Variants in P2RY11 observed in about 807,000 individuals in gnomAD.
P2RY11 encodes purinergic receptor P2Y11.
A neutral mutation model predicts 2.4 loss-of-function variants in P2RY11; 3 were observed. The observed-to-expected ratio is 1.22, with a 90% CI of 0.56 to 3.17. The LOEUF is 3.17. P2RY11 is among the 30% of genes most tolerant of loss of function. The probability of loss-of-function intolerance (pLI) is 0.03; values close to 1 mark genes in which losing one functional copy is unlikely to be tolerated. For missense variants in P2RY11, 670 were observed against 528.2 expected, an observed-to-expected ratio of 1.27 and a Z score of -2.63; for synonymous variants, 307 against 237.3, an observed-to-expected ratio of 1.29 and a Z score of -2.70.
At position 10,115,169 on chromosome 19, in the gene P2RY11, G is replaced by C. The variant is rs1035397122; in HGVS notation, c.*431G>C. ...GGTGGCAGGTATAAGACTTCTGGGG[G>C]CACCCCAAGACCCCAGACACCCAAG... is the stretch of plus-strand genomic sequence containing the variant. On this transcript the variant is annotated 3_prime_UTR_variant, in exon 2 of 2. Coordinates refer to ENST00000321826, the MANE Select transcript of P2RY11 (RefSeq NM_002566.5). 13 of 1,611,254 alleles carry C rather than the reference G, an allele frequency of 8.1e-6. No homozygotes were observed. The highest frequency in any genetic ancestry group is 9.3e-6 in the Non-Finnish European group (11 of 1,178,852).
At chr19:10,112,861 G>A (rs564374644) in intron 1 of P2RY11, among the ~76,000 whole-genome samples, 3 of 152,230 alleles carry the variant, frequency 2.0e-5, no homozygotes, top group African/African-American at 7.2e-5. Context: ...AGAATCACTT[G>A]AACCCGGGAG....
Position 10,114,941 on chromosome 19 carries a change from AGACCACGCCCAGAGGAGGG to A in P2RY11, c.*206_*224del. On this transcript the variant is annotated 3_prime_UTR_variant, in exon 2 of 2. Coordinates refer to ENST00000321826, the MANE Select transcript of P2RY11 (RefSeq NM_002566.5). ...AGGGCTCCCTGCAGGGTCAGGGACC[AGACCACGCCCAGAGGAGGG>A]GAGGCACTGGCCCCCGCCACAGGAC... The A allele has an allele frequency of 1.4e-6, 2 of 1,391,626 alleles. No homozygotes were observed. The highest frequency in any genetic ancestry group is 2.5e-5 in the South Asian group (2 of 79,284). The allele number at this position is 1,391,626 out of a possible 1,614,324, so 86.2% of individuals were successfully genotyped here.
chr19:10,112,194 C>T, intron 1 of P2RY11: 1 of 178,850 alleles, frequency 5.6e-6, no homozygotes, highest in Admixed American at 5.8e-5. Flanking sequence ...AGGGGGATCA[C>T]TTGACCCCAG....
In P2RY11 at chr19:10,114,682, A is replaced by G. The variant is rs764865736; in HGVS notation, c.1069A>G (p.Asn357Asp). The G allele has an allele frequency of 4.3e-6, 7 of 1,613,466 alleles. No individual in the cohort carries two copies. The African/African-American group carries it at 6.7e-5, about 15-fold the overall frequency. Residue 357 changes from asparagine to aspartate, a missense_variant, in exon 2 of 2, where the codon AAT becomes GAT. Coordinates refer to ENST00000321826, the MANE Select transcript of P2RY11 (RefSeq NM_002566.5). Reference sequence around the variant, plus strand: ...GAGCACTGGCCAAGCCCTGCCCCTCAATGCCACAGCCGCCCCTAAACCGTC... The same window carrying G: ...GAGCACTGGCCAAGCCCTGCCCCTCGATGCCACAGCCGCCCCTAAACCGTC... ...AKSTGQALPLNATAAPKPSEP... is the reference protein window; with the variant it reads ...AKSTGQALPLDATAAPKPSEP...
Position 10,113,897 on chromosome 19 carries a change from G to T in P2RY11, c.284G>T (p.Trp95Leu). 1 of 1,608,128 alleles carries T rather than the reference G, an allele frequency of 6.2e-7. No individual in the cohort carries two copies. ...LAAYLYPPKH[W>L]RYGEAACRLE... ...GCCTACCTCTATCCCCCCAAGCACTGGCGCTATGGGGAGGCCGCGTGCCGC... is the reference window on the plus strand; with the variant it reads ...GCCTACCTCTATCCCCCCAAGCACTTGCGCTATGGGGAGGCCGCGTGCCGC... Residue 95 changes from tryptophan (W) to leucine (L), a missense_variant, in exon 2 of 2, where the codon TGG becomes TTG. Physicochemically the swap from Trp to Leu is moderately conservative, Grantham distance 61. Transcript: ENST00000321826.
rs1271242644 is a variant in P2RY11, at chr19:10,115,003, A to C, written c.*265A>C. ...CACAGGACTGGAGACGCAAGAACAAAAAGAACCAAGTAGAGAGAGTGGAGC... is the reference window on the plus strand; with the variant it reads ...CACAGGACTGGAGACGCAAGAACAACAAGAACCAAGTAGAGAGAGTGGAGC... On this transcript the variant is annotated 3_prime_UTR_variant, in exon 2 of 2. Coordinates refer to ENST00000321826, the MANE Select transcript of P2RY11 (RefSeq NM_002566.5). 1.3e-6 allele frequency: 2 copies of C among 1,546,198 alleles called. No individual in the cohort carries two copies. The highest frequency in any genetic ancestry group is 1.4e-5 in the African/African-American group (1 of 73,866).
rs766198417 is a variant in P2RY11 at position 10,113,884 on chromosome 19, C to T, written c.271C>T (p.Pro91Ser). ...TLPPLAAYLY[P>S]PKHWRYGEAA... ...GCCCCCGCTGGCCGCCTACCTCTAT[C>T]CCCCCAAGCACTGGCGCTATGGGGA... The change falls in exon 2 of 2, where the codon CCC (proline) becomes TCC (serine). Residue 91 changes from proline to serine, a missense_variant. Physicochemically the swap from Pro to Ser is moderately conservative, Grantham distance 74. Coordinates refer to ENST00000321826, the MANE Select transcript of P2RY11 (RefSeq NM_002566.5). The T allele has an allele frequency of 1.4e-5, 23 of 1,608,204 alleles. No homozygotes were observed. Among genetic ancestry groups the T allele is most frequent in the Middle Eastern group, 1.6e-4 (1 of 6,082 alleles).
At chr19:10,113,182 G>A (rs75745507) in intron 1 of P2RY11, among the ~76,000 whole-genome samples, 1 of 152,196 alleles carries the variant, frequency 6.6e-6, no homozygotes, top group Non-Finnish European at 1.5e-5. Context: ...CAGCGCTCGC[G>A]GGTGCTCTCT....
In P2RY11 at chr19:10,115,069, T is replaced by G. The variant is rs2089215206; in HGVS notation, c.*331T>G. The G allele has an allele frequency of 6.2e-7, 1 of 1,613,472 alleles. No homozygotes were observed. Among genetic ancestry groups the G allele is most frequent in the Non-Finnish European group, 8.5e-7 (1 of 1,179,854 alleles). On this transcript the variant is annotated 3_prime_UTR_variant, in exon 2 of 2. Coordinates refer to ENST00000321826, the MANE Select transcript of P2RY11 (RefSeq NM_002566.5). ...GGAGCCCGCGCTCTCGGAGGCTGTC[T>G]TCTGTCGCCAAGGGTCCCGGACCGA...
At position 10,115,108 on chromosome 19, in the gene P2RY11, G is replaced by C. The variant is rs768710180; in HGVS notation, c.*370G>C. The C allele has an allele frequency of 6.2e-7, 1 of 1,614,066 alleles. No individual in the cohort carries two copies. Among genetic ancestry groups the C allele is most frequent in the Non-Finnish European group, 8.5e-7 (1 of 1,180,010 alleles). On this transcript the variant is annotated 3_prime_UTR_variant, in exon 2 of 2. Coordinates refer to ENST00000321826, the MANE Select transcript of P2RY11 (RefSeq NM_002566.5). ...GTCCCGGACCGAGTACACAGTGGCA[G>C]CTGGCTTAGTTGGTGGACGGCCTGG...
chr19:10,114,952 AGAG>A lies in P2RY11; in HGVS notation c.*219_*221del. ...CAGGGTCAGGGACCAGACCACGCCC[AGAG>A]GAGGGGAGGCACTGGCCCCCGCCAC... On this transcript the variant is annotated 3_prime_UTR_variant, in exon 2 of 2. Coordinates refer to ENST00000321826, the MANE Select transcript of P2RY11 (RefSeq NM_002566.5). 6 of 1,399,676 alleles carry A rather than the reference AGAG, an allele frequency of 4.3e-6. No homozygotes were observed. Among genetic ancestry groups the A allele is most frequent in the African/African-American group, 1.4e-5 (1 of 70,622 alleles). The allele number at this position is 1,399,676 out of a possible 1,614,324, so 86.7% of individuals were successfully genotyped here. A position where few individuals can be genotyped will look rare whatever the true frequency, so the allele number is the denominator to read the frequency against.
In P2RY11 at chr19:10,114,895, C is replaced by T; in HGVS notation, c.*157C>T. ...AGCCCAGGCAGGAGCAGTCGCCTTT[C>T]CCACCCACAGCGCTGGCCACAGGGC... is the stretch of plus-strand genomic sequence containing the variant. On this transcript the variant is annotated 3_prime_UTR_variant, in exon 2 of 2. Coordinates refer to ENST00000321826, the MANE Select transcript of P2RY11 (RefSeq NM_002566.5). The T allele has an allele frequency of 8.5e-6, 12 of 1,408,706 alleles. No homozygotes were observed. The highest frequency in any genetic ancestry group is 3.8e-4 in the Middle Eastern group (2 of 5,214). 87.3% of individuals were successfully genotyped at this position (1,408,706 alleles called of 1,614,324 possible).
In P2RY11 at chr19:10,114,114, C is replaced by A; in HGVS notation, c.501C>A (p.Phe167Leu). 2 of 1,601,072 alleles carry A rather than the reference C, an allele frequency of 1.2e-6. No homozygotes were observed. The highest frequency in any genetic ancestry group is 1.7e-6 in the Non-Finnish European group (2 of 1,179,654). The change falls in exon 2 of 2, where the codon TTC (phenylalanine) becomes TTA (leucine). Residue 167 changes from phenylalanine (F) to leucine (L), a missense_variant. Physicochemically the swap from Phe to Leu is conservative, Grantham distance 22 (BLOSUM62 0). Transcript: ENST00000321826. The part of the protein sequence containing the change: ...AALLAMPTLS[F>L]SHLKRPQQGA... ...TGCTGGCCATGCCCACACTCAGCTT[C>A]TCCCACCTGAAGAGGCCGCAGCAGG... is the stretch of plus-strand genomic sequence containing the variant.
In P2RY11 at chr19:10,113,535, G is replaced by T. The variant is rs74974916; in HGVS notation, c.20-98G>T. On this transcript the variant is annotated intron_variant, in intron 1 of 1. Coordinates refer to ENST00000321826, the MANE Select transcript of P2RY11 (RefSeq NM_002566.5). ...CCTCCAGGGAGGGGAAAGAACTCGT[G>T]TCCAGGGATCCACGCCATGGCAGAC... 4,690 of 1,507,838 alleles carry T rather than the reference G, an allele frequency of 3.1e-3. 100 individuals are homozygous for T. The East Asian group carries it at 0.057, about 18-fold the overall frequency. The allele number at this position is 1,507,838 out of a possible 1,614,324, so 93.4% of individuals were successfully genotyped here. A position where few individuals can be genotyped will look rare whatever the true frequency, so the allele number is the denominator to read the frequency against.
In P2RY11 at chr19:10,115,179, A is replaced by G. The variant is rs1398120312; in HGVS notation, c.*441A>G. 6.2e-7 allele frequency: 1 copy of G among 1,606,458 alleles called. No individual in the cohort carries two copies. Among genetic ancestry groups the G allele is most frequent in the African/African-American group, 1.3e-5 (1 of 74,652 alleles). On this transcript the variant is annotated 3_prime_UTR_variant, in exon 2 of 2. Transcript: ENST00000321826. ...ATAAGACTTCTGGGGGCACCCCAAG[A>G]CCCCAGACACCCAAGTGGCATCTTG...
Position 10,114,916 on chromosome 19 carries a change from A to C in P2RY11, c.*178A>C. 7.2e-7 allele frequency: 1 copy of C among 1,389,312 alleles called. No individual in the cohort carries two copies. The highest frequency in any genetic ancestry group is 9.8e-7 in the Non-Finnish European group (1 of 1,022,440). The allele number at this position is 1,389,312 out of a possible 1,614,324, so 86.1% of individuals were successfully genotyped here. A position where few individuals can be genotyped will look rare whatever the true frequency, so the allele number is the denominator to read the frequency against. On this transcript the variant is annotated 3_prime_UTR_variant, in exon 2 of 2. Coordinates refer to ENST00000321826, the MANE Select transcript of P2RY11 (RefSeq NM_002566.5). ...CTTTCCCACCCACAGCGCTGGCCAC[A>C]GGGCTCCCTGCAGGGTCAGGGACCA...
intron 1 of P2RY11, chr19:10,111,984 C>A (rs1274685377): frequency 1.0e-5 from 5 of 488,202 alleles, no homozygotes; most frequent in Non-Finnish European, 1.9e-5. Flanking sequence ...GTGGCACATG[C>A]CTGTAATCCC....
In P2RY11 at chr19:10,113,930, G is replaced by T; in HGVS notation, c.317G>T (p.Arg106Leu). Residue 106 changes from arginine to leucine, a missense_variant, in exon 2 of 2, where the codon CGC becomes CTC. Arg to Leu is a moderately radical substitution (Grantham distance 102, BLOSUM62 -2). Coordinates refer to ENST00000321826, the MANE Select transcript of P2RY11 (RefSeq NM_002566.5). ...RYGEAACRLE[R>L]FLFTCNLLGS... Reference sequence around the variant, plus strand: ...GGGGAGGCCGCGTGCCGCCTGGAGCGCTTCCTCTTCACCTGCAACCTGCTG... The same window carrying T: ...GGGGAGGCCGCGTGCCGCCTGGAGCTCTTCCTCTTCACCTGCAACCTGCTG... 4 of 1,603,402 alleles carry T rather than the reference G, an allele frequency of 2.5e-6. No individual in the cohort carries two copies. The highest frequency in any genetic ancestry group is 3.4e-6 in the Non-Finnish European group (4 of 1,179,872).
At position 10,113,841 on chromosome 19, in the gene P2RY11, GCT is replaced by G; in HGVS notation, c.231_232del (p.Cys78ArgfsTer128). On this transcript the variant is annotated frameshift_variant, in exon 2 of 2. Coordinates refer to ENST00000321826, the MANE Select transcript of P2RY11 (RefSeq NM_002566.5). LOFTEE classifies it low-confidence loss of function (END_TRUNC). ...CTGTCCAGCTGGCAGTCAGCGACCTGCTCTGCGCCCTGACGCTGCCCCCGCTG... is the reference window on the plus strand; with the variant it reads ...CTGTCCAGCTGGCAGTCAGCGACCTGCTGCGCCCTGACGCTGCCCCCGCTG... ...FSVQLAVSDL[L>X]CALTLPPLAA... The G allele has an allele frequency of 6.2e-7, 1 of 1,613,364 alleles. No homozygotes were observed. The highest frequency in any genetic ancestry group is 8.5e-7 in the Non-Finnish European group (1 of 1,179,802).
Sources: gnomAD v4.1 joint callset for allele counts (sites outside exome capture counted in the v4.1 genomes callset) on GRCh38, gnomAD v4.1.1 for gene constraint, MANE v1.5 for transcripts, NCBI Gene and HGNC (gene_info 2026-07-23, HGNC 2026-07-21) for gene names.